NLRC4: variants seen among roughly 807,000 people sequenced by gnomAD.
NLRC4 encodes NLR family CARD domain containing 4.
In NLRC4, 63 loss-of-function variants were observed where a neutral mutation model predicts 79.9. The ratio of observed to expected loss-of-function variants is 0.79; its 90% confidence interval spans 0.64 to 0.97. The LOEUF (loss-of-function observed/expected upper bound fraction) is 0.97, where lower values mean the gene tolerates loss of function less well. Among genes scored for constraint, NLRC4 ranks in the 50% least tolerant of loss-of-function variants. NLRC4 has a pLI of 0.00. For missense variants in NLRC4, 1,074 were observed against 1,215.2 expected, an observed-to-expected ratio of 0.88 and a Z score of 1.73; for synonymous variants, 461 against 456.5, an observed-to-expected ratio of 1.01 and a Z score of -0.12.
upstream of NLRC4, chr2:32,265,463 G>C (rs576828817): frequency 2.0e-5 from 3 of 152,540 alleles, no homozygotes; most frequent in East Asian, 5.6e-4. Context: ...TTACAGGCGT[G>C]AGCCACCATG....
chr2:32,239,196 G>A (rs1005218700), intron 5 of NLRC4, among the ~76,000 whole-genome samples: 18 of 152,094 alleles, frequency 1.2e-4, no homozygotes, highest in African/African-American at 3.9e-4. Flanking sequence ...CATTAGAATC[G>A]CTTGAACCCA....
At chr2:32,245,836 A>G (rs1686922571) in intron 4 of NLRC4, among the ~76,000 whole-genome samples, 1 of 152,206 alleles carries the variant, frequency 6.6e-6, no homozygotes, top group Non-Finnish European at 1.5e-5. Context: ...TTGCTTCAAT[A>G]ATACCTGTAT....
chr2:32,249,591 CT>C lies in NLRC4; in HGVS notation c.2257+15del. ...TTTTAAGTGAACAAAGCACAAACCA[CT>C]GATATTTACAATACCCGGCAGCCGT... On this transcript the variant is annotated intron_variant, in intron 4 of 8. Transcript: ENST00000402280. 6.5e-7 allele frequency: 1 copy of C among 1,541,788 alleles called. No individual in the cohort carries two copies. Among genetic ancestry groups the C allele is most frequent in the Non-Finnish European group, 8.8e-7 (1 of 1,142,610 alleles).
chr2:32,252,663 G>A lies in NLRC4; in HGVS notation c.18C>T (p.Asp6=). The change falls in exon 3 of 9, where the codon GAC becomes GAT. Residue 6 remains aspartate, a synonymous_variant. Transcript: ENST00000402280. Reference sequence around the variant, plus strand: ...TTCTTTGAATAAGGGCTCGGCTATTGTCCTTTATGAAATTCACTGAGGAGA... The same window carrying A: ...TTCTTTGAATAAGGGCTCGGCTATTATCCTTTATGAAATTCACTGAGGAGA... MNFIK[D]NSRALIQRMG... The A allele has an allele frequency of 6.2e-7, 1 of 1,612,822 alleles. No individual in the cohort carries two copies. The highest frequency in any genetic ancestry group is 1.1e-5 in the South Asian group (1 of 91,038).
rs185167378 is a variant in NLRC4, at chr2:32,255,452, A to G, written c.1+1323T>C. Among the ~76,000 whole-genome samples the G allele has an allele frequency of 5.7e-3, 854 of 150,598 alleles. 11 individuals carry two copies. The highest frequency in any genetic ancestry group is 0.019 in the African/African-American group (792 of 40,918). ...GGCGAATCACTTGAACCTGGGAAGC[A>G]GAGGTTGCGGTGAGCCCAGATGGCG... is the stretch of plus-strand genomic sequence containing the variant. On this transcript the variant is annotated intron_variant, in intron 2 of 8. Transcript: ENST00000402280.
chr2:32,261,775 T>C (rs1687356303), intron 1 of NLRC4, among the ~76,000 whole-genome samples: 2 of 152,100 alleles, frequency 1.3e-5, no homozygotes, highest in African/African-American at 2.4e-5. Context: ...ATTAACAATA[T>C]AAAAAATTGT....
At chr2:32,262,047 C>T (rs1246298207) in intron 1 of NLRC4, among the ~76,000 whole-genome samples, 1 of 151,998 alleles carries the variant, frequency 6.6e-6, no homozygotes, top group Non-Finnish European at 1.5e-5. Flanking sequence ...CGCCACTGCA[C>T]TCCAGCCTGG....
chr2:32,241,805 C>A (rs1214377065), intron 4 of NLRC4, among the ~76,000 whole-genome samples: 1 of 151,796 alleles, frequency 6.6e-6, no homozygotes, highest in South Asian at 2.1e-4. Context: ...AACAAAACTT[C>A]AAAATCTGCA....
At chr2:32,241,580 A>C (rs1317678523) in intron 4 of NLRC4, among the ~76,000 whole-genome samples, 1 of 151,856 alleles carries the variant, frequency 6.6e-6, no homozygotes, top group Non-Finnish European at 1.5e-5. Context: ...GGGTTTCACC[A>C]TGTTAGCCAG....
At chr2:32,224,896 T>A in intron 8 of NLRC4, 131 bp from the exon 9 acceptor site, 1 of 564,116 alleles carries the variant, frequency 1.8e-6, no homozygotes, top group Non-Finnish European at 3.0e-6. Flanking sequence ...GTGCTTTGCC[T>A]CAGAAAGAAA....
At chr2:32,224,802 A>T (rs765562134) in intron 8 of NLRC4, 37 bp from the exon 9 acceptor site, 13 of 1,154,650 alleles carry the variant, frequency 1.1e-5, no homozygotes, top group South Asian at 1.1e-4. Context: ...TGGAAGAAAA[A>T]TTTTTTTTAA....
At chr2:32,255,455 G>A (rs1177039284) in intron 2 of NLRC4, among the ~76,000 whole-genome samples, 2 of 150,388 alleles carry the variant, frequency 1.3e-5, no homozygotes, top group African/African-American at 4.9e-5. Context: ...GGGAAGCAGA[G>A]GTTGCGGTGA....
chr2:32,232,477 C>T (rs571790503), intron 8 of NLRC4, among the ~76,000 whole-genome samples: 1 of 152,280 alleles, frequency 6.6e-6, no homozygotes, highest in South Asian at 2.1e-4. Context: ...TCATTTCATA[C>T]CTCTCATTCC....
At chr2:32,234,915 G>T (rs1052111995) in intron 8 of NLRC4, among the ~76,000 whole-genome samples, 1 of 152,254 alleles carries the variant, frequency 6.6e-6, no homozygotes, top group Non-Finnish European at 1.5e-5. Context: ...CAGATAGTAT[G>T]AAGGCTTCTT....
At chr2:32,233,349 A>ATATATTTTTT (rs1418146489) in intron 8 of NLRC4, among the ~76,000 whole-genome samples, 10 of 41,100 alleles carry the variant, frequency 2.4e-4, no homozygotes, top group African/African-American at 9.5e-4. Context: ...ATATATATAT[A>ATATATTTTTT]TTTTTTTTTT....
At chr2:32,248,136 C>T (rs186476423) in intron 4 of NLRC4, among the ~76,000 whole-genome samples, 2 of 152,198 alleles carry the variant, frequency 1.3e-5, no homozygotes, top group African/African-American at 2.4e-5. Flanking sequence ...CCCCCTATAT[C>T]TATAAAAATA....
At chr2:32,240,002 A>G (rs1227093760) in intron 5 of NLRC4, among the ~76,000 whole-genome samples, 1 of 152,112 alleles carries the variant, frequency 6.6e-6, no homozygotes, top group Non-Finnish European at 1.5e-5. Flanking sequence ...TTGTTTCAAG[A>G]TGGAGTCTAT....
Position 32,249,771 on chromosome 2 carries a change from G to C in NLRC4, c.2093C>G (p.Ala698Gly). The C allele has an allele frequency of 6.2e-7, 1 of 1,614,194 alleles. No homozygotes were observed. Among genetic ancestry groups the C allele is most frequent in the Non-Finnish European group, 8.5e-7 (1 of 1,180,040 alleles). Residue 698 changes from alanine (A) to glycine (G), a missense_variant, in exon 4 of 9, where the codon GCT becomes GGT. Coordinates refer to ENST00000402280, the MANE Select transcript of NLRC4 (RefSeq NM_001199138.2). ...TSLRLQIKRC[A>G]GVAGSLSLVL... ...CAAACTGAGGCTTCCAGCCACACCAGCACATCTCTTTATTTGCAGCCTGAG... is the reference window on the plus strand; with the variant it reads ...CAAACTGAGGCTTCCAGCCACACCACCACATCTCTTTATTTGCAGCCTGAG...
intron 8 of NLRC4, among the ~76,000 whole-genome samples, chr2:32,234,416 TAATA>T (rs999302269): frequency 1.3e-5 from 2 of 151,988 alleles, no homozygotes; most frequent in African/African-American, 4.8e-5. Flanking sequence ...AAAAACAGTT[TAATA>T]AATTGTACGT....
Sources: allele counts gnomAD v4.1 joint callset (sites outside exome capture counted in the v4.1 genomes callset), GRCh38; gene constraint gnomAD v4.1.1; transcripts MANE v1.5; gene names NCBI Gene and HGNC (gene_info 2026-07-23, HGNC 2026-07-21).